SMYD3: variants seen among roughly 807,000 people sequenced by gnomAD.
SMYD3 encodes the protein SET and MYND domain containing 3.
A neutral mutation model predicts 57.7 loss-of-function variants in SMYD3; 36 were observed. The ratio of observed to expected loss-of-function variants is 0.62; its 90% CI spans 0.48 to 0.82. The LOEUF is 0.82. Among genes scored for constraint, SMYD3 ranks in the 40% least tolerant of loss-of-function variants. The pLI, the probability that SMYD3 is intolerant of heterozygous loss-of-function variation, is 0.00. For synonymous variants in SMYD3, 211 were observed against 195.0 expected (o/e 1.08, Z -0.68); for missense variants, 515 against 538.8 (o/e 0.96, Z 0.44).
chr1:245,759,272 T>C (rs2045737967), intron 11 of SMYD3, among the ~76,000 whole-genome samples: 1 of 121,696 alleles, frequency 8.2e-6, no homozygotes, highest in African/African-American at 3.3e-5. Flanking sequence ...TAGTGACAAT[T>C]ACGGGACATC....
At chr1:246,437,812 T>G in intron 1 of SMYD3, among the ~76,000 whole-genome samples, 1 of 152,192 alleles carries the variant, frequency 6.6e-6, no homozygotes, top group East Asian at 1.9e-4. Flanking sequence ...ATTATTTCCA[T>G]AACAATAAAA....
chr1:246,135,530 G>C (rs1036305133), intron 5 of SMYD3, among the ~76,000 whole-genome samples: 4 of 151,966 alleles, frequency 2.6e-5, no homozygotes, highest in Non-Finnish European at 5.9e-5. Context: ...AAATATAGAA[G>C]TCATTAGGCA....
intron 5 of SMYD3, among the ~76,000 whole-genome samples, chr1:246,276,265 CTG>C (rs1211638571): frequency 8.5e-6 from 1 of 118,224 alleles, no homozygotes; most frequent in African/African-American, 3.0e-5. Flanking sequence ...AATACTAACT[CTG>C]TTTTTTCACT....
At chr1:246,199,553 G>A (rs552010466) in intron 5 of SMYD3, among the ~76,000 whole-genome samples, 2 of 152,340 alleles carry the variant, frequency 1.3e-5, no homozygotes, top group African/African-American at 4.8e-5. Flanking sequence ...GCTTAGAGCA[G>A]TTACAGGGCT....
At chr1:246,288,890 A>G (rs1430185263) in intron 5 of SMYD3, among the ~76,000 whole-genome samples, 5 of 152,164 alleles carry the variant, frequency 3.3e-5, no homozygotes, top group Non-Finnish European at 7.4e-5. Flanking sequence ...AGTTGTGTGG[A>G]TCACCTGAAG....
chr1:246,101,567 A>T (rs570549580), intron 5 of SMYD3, among the ~76,000 whole-genome samples: 1 of 152,214 alleles, frequency 6.6e-6, no homozygotes, highest in South Asian at 2.1e-4. Context: ...TTAATACTTT[A>T]AAAAATATGG....
chr1:246,263,413 G>A (rs2064047898), intron 5 of SMYD3, among the ~76,000 whole-genome samples: 1 of 152,144 alleles, frequency 6.6e-6, no homozygotes, highest in Admixed American at 6.5e-5. Flanking sequence ...AAGTAGAAAA[G>A]TTAGGGAGGC....
At chr1:246,275,742 G>A (rs1238996944) in intron 5 of SMYD3, among the ~76,000 whole-genome samples, 1 of 151,534 alleles carries the variant, frequency 6.6e-6, no homozygotes, top group Non-Finnish European at 1.5e-5. Flanking sequence ...GTCTCTAGTG[G>A]AGTCTGATGC....
At chr1:246,487,895 TG>T (rs1443950747) in intron 1 of SMYD3, among the ~76,000 whole-genome samples, 1 of 152,132 alleles carries the variant, frequency 6.6e-6, no homozygotes, top group Non-Finnish European at 1.5e-5. Flanking sequence ...GGTTCCTCCA[TG>T]TTTGTCAGGC....
chr1:246,001,920 T>A (rs1031555625), intron 5 of SMYD3, among the ~76,000 whole-genome samples: 68 of 152,264 alleles, frequency 4.5e-4, no homozygotes, highest in African/African-American at 1.5e-3. Context: ...TTTTGACAGA[T>A]TCTCCGGCCG....
At chr1:245,778,876 G>A (rs2148128847) in intron 10 of SMYD3, among the ~76,000 whole-genome samples, 1 of 152,082 alleles carries the variant, frequency 6.6e-6, no homozygotes, top group Admixed American at 6.5e-5. Flanking sequence ...TTAAAAAATG[G>A]AGGCCTGGCG....
At chr1:246,331,783 A>C (rs981110694) in intron 3 of SMYD3, among the ~76,000 whole-genome samples, 1 of 152,202 alleles carries the variant, frequency 6.6e-6, no homozygotes, top group Admixed American at 6.5e-5. Context: ...CTTTGTGTCT[A>C]TGTGTGACAT....
At chr1:245,944,088 G>A (rs1261803977) in intron 5 of SMYD3, among the ~76,000 whole-genome samples, 1 of 152,104 alleles carries the variant, frequency 6.6e-6, no homozygotes, top group Non-Finnish European at 1.5e-5. Context: ...ACAAGACAAG[G>A]ATGCCCTCTC....
intron 8 of SMYD3, among the ~76,000 whole-genome samples, chr1:245,865,424 G>A (rs2051781968): frequency 6.6e-6 from 1 of 152,140 alleles, no homozygotes; most frequent in African/African-American, 2.4e-5. Flanking sequence ...AGGTCAGAGG[G>A]TGTCTAACAT....
chr1:246,496,685 G>A (rs140178903), intron 1 of SMYD3, among the ~76,000 whole-genome samples: 2,553 of 152,008 alleles, frequency 0.017, 36 homozygotes, highest in Non-Finnish European at 0.026. Context: ...AAAATTAGCC[G>A]GGCATGGTGG....
chr1:245,755,948 A>G (rs1002661255), intron 11 of SMYD3, among the ~76,000 whole-genome samples: 1 of 150,734 alleles, frequency 6.6e-6, no homozygotes, highest in Admixed American at 6.7e-5. Flanking sequence ...TAAATCTGCC[A>G]TTTAATTTTT....
chr1:245,905,689 G>C (rs939071124), intron 8 of SMYD3, among the ~76,000 whole-genome samples: 8 of 152,202 alleles, frequency 5.3e-5, no homozygotes, highest in African/African-American at 1.7e-4. Context: ...GCCACCTGCT[G>C]ATTGTAGAGC....
chr1:245,860,696 T>C (rs2105248), intron 9 of SMYD3, among the ~76,000 whole-genome samples: 84,228 of 152,130 alleles, frequency 0.55, 26,595 homozygotes, highest in Non-Finnish European at 0.73. Context: ...ATCTGACATG[T>C]ATGTTCAAAG....
chr1:246,209,457 AAG>A (rs1287087498), intron 5 of SMYD3, among the ~76,000 whole-genome samples: 1 of 152,304 alleles, frequency 6.6e-6, no homozygotes, highest in Admixed American at 6.5e-5. Context: ...GGGGGAAAAA[AAG>A]AGTTATCTAT....
Sources: allele counts gnomAD v4.1 joint callset (sites outside exome capture counted in the v4.1 genomes callset), GRCh38; gene constraint gnomAD v4.1.1; transcripts MANE v1.5; gene names NCBI Gene and HGNC (gene_info 2026-07-23, HGNC 2026-07-21).